Variants in FAM90A1 observed in about 807,000 individuals in gnomAD.
FAM90A1 encodes the protein protein FAM90A1.
In FAM90A1, 10 loss-of-function variants were observed where a neutral mutation model predicts 14.8. That is an observed-to-expected ratio of 0.67 (90% CI 0.42 to 1.14). FAM90A1 has a LOEUF of 1.14. Ranked by LOEUF, FAM90A1 falls within the 50% of genes most tolerant of loss-of-function variation. FAM90A1 has a pLI of 0.00. For missense variants in FAM90A1, 567 were observed against 602.8 expected (o/e 0.94, Z 0.62); for synonymous variants, 236 against 248.4 (o/e 0.95, Z 0.47).
In FAM90A1 at chr12:8,222,385, A is replaced by G; in HGVS notation, c.832T>C (p.Leu278=). The G allele has an allele frequency of 6.2e-7, 1 of 1,611,776 alleles. No individual in the cohort carries two copies. The highest frequency in any genetic ancestry group is 8.5e-7 in the Non-Finnish European group (1 of 1,179,854). The stretch of plus-strand genomic sequence containing the variant: ...AAGCTGAGATTGGAGCCTAGGCCCA[A>G]GCTGTGTGTGGCGGCTGGTGGGCAG... ...QPCPPAATHS[L]GLGSNLSFGP... is the part of the protein sequence containing the mutation. Residue 278 remains leucine, a synonymous_variant, in exon 7 of 7, where the codon TTG becomes CTG. Transcript: ENST00000538603.
Position 8,222,641 on chromosome 12 carries a change from G to A in FAM90A1, c.576C>T (p.Ser192=). Residue 192 remains serine (S), a synonymous_variant, in exon 7 of 7, where the codon AGC becomes AGT. Transcript: ENST00000538603. ...SLSPLRKASL[S]SSSSLGPKER... is the part of the protein sequence containing the mutation. The stretch of plus-strand genomic sequence containing the variant: ...CCTTTGGTCCAAGACTTGAGGAGGA[G>A]CTCAGACTGGCTTTTCTGAGGGGAG... The A allele has an allele frequency of 6.2e-7, 1 of 1,611,636 alleles. No homozygotes were observed. The highest frequency in any genetic ancestry group is 8.5e-7 in the Non-Finnish European group (1 of 1,179,850).
In FAM90A1 at chr12:8,221,536, G is replaced by C; in HGVS notation, c.*286C>G. ...ACGTCCCAGCGGAAGTCTGACTCCTGCGCGTCATGCAGTTTCTGAGGCAAC... is the reference window on the plus strand; with the variant it reads ...ACGTCCCAGCGGAAGTCTGACTCCTCCGCGTCATGCAGTTTCTGAGGCAAC... On this transcript the variant is annotated 3_prime_UTR_variant, in exon 7 of 7. Coordinates refer to ENST00000538603, the MANE Select transcript of FAM90A1 (RefSeq NM_018088.3). The C allele has an allele frequency of 3.9e-6, 2 of 512,196 alleles. No homozygotes were observed. Among genetic ancestry groups the C allele is most frequent in the South Asian group, 2.1e-5 (1 of 48,466 alleles). The allele number at this position is 512,196 out of a possible 1,614,324, so 31.7% of individuals were successfully genotyped here.
At chr12:8,223,715 C>T (rs965789470) in intron 5 of FAM90A1, among the ~76,000 whole-genome samples, 158 bp from the exon 6 acceptor site, 1 of 152,190 alleles carries the variant, frequency 6.6e-6, no homozygotes, top group South Asian at 2.1e-4. Context: ...GCCAACCTTC[C>T]CATCCTCCAG....
At chr12:8,227,098 C>G (rs1387561039) in intron 1 of FAM90A1, among the ~76,000 whole-genome samples, 2 of 152,174 alleles carry the variant, frequency 1.3e-5, no homozygotes, top group African/African-American at 2.4e-5. Flanking sequence ...CCATTGTGCC[C>G]GGTCATGTCA....
Position 8,223,523 on chromosome 12 carries a change from T to C in FAM90A1, c.358A>G (p.Ile120Val), listed in dbSNP as rs747220322. 3 of 1,597,534 alleles carry C rather than the reference T, an allele frequency of 1.9e-6. No individual in the cohort carries two copies. The South Asian group carries it at 3.3e-5, about 18-fold the overall frequency. The change falls in exon 6 of 7, where the codon ATA becomes GTA. Residue 120 changes from isoleucine (I) to valine (V), a missense_variant. Physicochemically the swap from Ile to Val is conservative, Grantham distance 29. Coordinates refer to ENST00000538603, the MANE Select transcript of FAM90A1 (RefSeq NM_018088.3). ...QDPQRKALLH[I>V]FSRKPPEKPL... is the part of the protein sequence containing the mutation. ...TTCTCTGGAGGTTTCCTGGAAAATATGTGGAGGAGAGCCTTCCTCTGCGGG... is the reference window on the plus strand; with the variant it reads ...TTCTCTGGAGGTTTCCTGGAAAATACGTGGAGGAGAGCCTTCCTCTGCGGG...
chr12:8,222,122 G>C lies in FAM90A1; in HGVS notation c.1095C>G (p.His365Gln). 1 of 1,611,852 alleles carries C rather than the reference G, an allele frequency of 6.2e-7. No individual in the cohort carries two copies. Among genetic ancestry groups the C allele is most frequent in the Non-Finnish European group, 8.5e-7 (1 of 1,180,010 alleles). The part of the protein sequence containing the change: ...QVLSGDRQPP[H>Q]SRPCLPTAQA... ...GGGCAGTAGGCAGGCAAGGTCTGCTGTGCGGAGGCTGCCGGTCGCCGCTAA... is the reference window on the plus strand; with the variant it reads ...GGGCAGTAGGCAGGCAAGGTCTGCTCTGCGGAGGCTGCCGGTCGCCGCTAA... Residue 365 changes from histidine to glutamine, a missense_variant, in exon 7 of 7, where the codon CAC (histidine) becomes CAG (glutamine). Physicochemically the swap from His to Gln is conservative, Grantham distance 24. Transcript: ENST00000538603.
chr12:8,224,924 A>C, intron 3 of FAM90A1, 36 bp from the exon 4 acceptor site: 1 of 1,514,600 alleles, frequency 6.6e-7, no homozygotes, highest in Non-Finnish European at 9.0e-7. Context: ...GTCGATGGTT[A>C]AGCACATTGG....
In FAM90A1 at chr12:8,224,087, T is replaced by C. The variant is rs1948888539; in HGVS notation, c.252A>G (p.Pro84=). ...GGTTCGCTTCAACCTGGGGCTTCCATGGTTTCAGGTTTTCCTTCCCTTCCT... is the reference window on the plus strand; with the variant it reads ...GGTTCGCTTCAACCTGGGGCTTCCACGGTTTCAGGTTTTCCTTCCCTTCCT... ...GEKEGKENLK[P]WKPQVEANPG... Residue 84 remains proline (P), a synonymous_variant, in exon 5 of 7, where the codon CCA becomes CCG. Coordinates refer to ENST00000538603, the MANE Select transcript of FAM90A1 (RefSeq NM_018088.3). 2 of 1,612,068 alleles carry C rather than the reference T, an allele frequency of 1.2e-6. No individual in the cohort carries two copies. The highest frequency in any genetic ancestry group is 2.7e-5 in the African/African-American group (2 of 74,994).
intron 4 of FAM90A1, among the ~76,000 whole-genome samples, chr12:8,224,441 A>C (rs1327651621): frequency 1.5e-5 from 2 of 134,878 alleles, no homozygotes; most frequent in Admixed American, 7.3e-5. Flanking sequence ...CCTAAGGGGC[A>C]CGATGGTGAA....
chr12:8,227,436 C>CT (rs1330023333), intron 1 of FAM90A1, 44 bp downstream of exon 1: 1 of 498,136 alleles, frequency 2.0e-6, no homozygotes, highest in African/African-American at 2.0e-5. Context: ...AGACAGAAGG[C>CT]TGGGTCCACC....
In FAM90A1 at chr12:8,224,825, G is replaced by T. The variant is rs140984565; in HGVS notation, c.8C>A (p.Ala3Glu). The stretch of plus-strand genomic sequence containing the variant: ...TGCCCCAGGTTTGGGGTCACGACGT[G>T]CCATCATCTTCGTCTCCTGGGGGTT... MM[A>E]RRDPKPGAKR... The change falls in exon 4 of 7, where the codon GCA (alanine) becomes GAA (glutamate). Residue 3 changes from alanine (A) to glutamate (E), a missense_variant. Transcript: ENST00000538603. The T allele has an allele frequency of 7.5e-6, 12 of 1,608,312 alleles. No homozygotes were observed. Among genetic ancestry groups the T allele is most frequent in the Non-Finnish European group, 9.3e-6 (11 of 1,179,772 alleles).
chr12:8,225,243 G>T lies in FAM90A1; in HGVS notation c.-56-355C>A, dbSNP rs770193675. On this transcript the variant is annotated intron_variant, in intron 3 of 6. Coordinates refer to ENST00000538603, the MANE Select transcript of FAM90A1 (RefSeq NM_018088.3). ...CTCTATCTCCCTTGACCGACAGAATGATCGAAGCCACAGGGCATGGCGTGT... is the reference window on the plus strand; with the variant it reads ...CTCTATCTCCCTTGACCGACAGAATTATCGAAGCCACAGGGCATGGCGTGT... Among the ~76,000 whole-genome samples, 141 of 152,354 alleles carry T rather than the reference G, an allele frequency of 9.3e-4. 2 individuals are homozygous for T. Among genetic ancestry groups the T allele is most frequent in the African/African-American group, 3.2e-3 (131 of 41,572 alleles).
rs189061605 is a variant in FAM90A1, at chr12:8,226,305, G to C, written c.-247C>G. ...TGGACCATATTTACTCTATCTCGAC[G>C]TAGGCCTCCGTGTCATCATGGAGAT... is the stretch of plus-strand genomic sequence containing the variant. On this transcript the variant is annotated 5_prime_UTR_variant, in exon 2 of 7. Coordinates refer to ENST00000538603, the MANE Select transcript of FAM90A1 (RefSeq NM_018088.3). 6.6e-6 allele frequency: 1 copy of C among 152,272 alleles called. No homozygotes were observed. Among genetic ancestry groups the C allele is most frequent in the East Asian group, 1.9e-4 (1 of 5,174 alleles). 9.4% of individuals were successfully genotyped at this position (152,272 alleles called of 1,614,324 possible). A position where few individuals can be genotyped will look rare whatever the true frequency, so the allele number is the denominator to read the frequency against.
chr12:8,226,820 TTTTTTTTG>T (rs1208573140), intron 1 of FAM90A1, among the ~76,000 whole-genome samples: 3 of 125,528 alleles, frequency 2.4e-5, no homozygotes, highest in East Asian at 2.4e-4. Context: ...TTTTTTTTTT[TTTTTTTTG>T]AGACACAGTC....
rs1415233473 is a variant in FAM90A1, at chr12:8,224,893, AAC to A, written c.-56-7_-56-6del. On this transcript the variant is annotated splice_region_variant and splice_polypyrimidine_tract_variant and intron_variant, in intron 3 of 6. Coordinates refer to ENST00000538603, the MANE Select transcript of FAM90A1 (RefSeq NM_018088.3). ...AGGGGTTGATTGTCGGGTCACCTGA[AAC>A]ACACACAAACACACACAAGTCGATG... is the stretch of plus-strand genomic sequence containing the variant. 3.2e-6 allele frequency: 5 copies of A among 1,567,588 alleles called. No individual in the cohort carries two copies. The highest frequency in any genetic ancestry group is 2.2e-5 in the South Asian group (2 of 89,820).
intron 3 of FAM90A1, 39 bp from the exon 4 acceptor site, chr12:8,224,927 C>T (rs1389553363): frequency 1.3e-5 from 19 of 1,499,170 alleles, no homozygotes; most frequent in Non-Finnish European, 1.6e-5. Flanking sequence ...GATGGTTAAG[C>T]ACATTGGATA....
chr12:8,222,915 G>A (rs2099407139), intron 6 of FAM90A1, 131 bp from the exon 7 acceptor site: 2 of 962,086 alleles, frequency 2.1e-6, no homozygotes, highest in Non-Finnish European at 3.1e-6. Context: ...GTCCTTGGAA[G>A]TAGGGACAGA....
intron 6 of FAM90A1, among the ~76,000 whole-genome samples, chr12:8,223,093 C>T (rs1027807561): frequency 2.0e-5 from 3 of 152,222 alleles, no homozygotes; most frequent in Admixed American, 1.3e-4. Context: ...GATGCCCTTC[C>T]GAAGGCAGGT....
chr12:8,221,826 T>C lies in FAM90A1; in HGVS notation c.1391A>G (p.Glu464Gly). 6.3e-7 allele frequency: 1 copy of C among 1,596,034 alleles called. No individual in the cohort carries two copies. Among genetic ancestry groups the C allele is most frequent in the Non-Finnish European group, 8.5e-7 (1 of 1,179,494 alleles). The change falls in exon 7 of 7, where the codon GAG becomes GGG. Residue 464 changes from glutamate to glycine, a missense_variant. By Grantham distance (98) the Glu-to-Gly change is moderately conservative (BLOSUM62 -2). Coordinates refer to ENST00000538603, the MANE Select transcript of FAM90A1 (RefSeq NM_018088.3). ...GAGCCCCTGCCACCTGCAGTCTCAC[T>C]CCAGGTCAGAATCGCTGTCCTCTGA... ...SSSEDSDSDLE is the reference protein window; with the variant it reads ...SSSEDSDSDLG
Sources: allele counts gnomAD v4.1 joint callset (sites outside exome capture counted in the v4.1 genomes callset), GRCh38; gene constraint gnomAD v4.1.1; transcripts MANE v1.5; gene names NCBI Gene and HGNC (gene_info 2026-07-23, HGNC 2026-07-21).